The following RYR2 variants were observed in gnomAD, a reference collection of about 807,000 sequenced individuals.
RYR2 encodes cardiac muscle ryanodine receptor-calcium release channel.
RYR2 carries 227 observed loss-of-function variants against 601.1 expected under a neutral mutation model. The ratio of observed to expected loss-of-function variants is 0.38; its 90% CI spans 0.34 to 0.42. RYR2 has a LOEUF of 0.42. Ranked by LOEUF, RYR2 falls within the 10% of genes least tolerant of loss-of-function variation. The pLI is 1.00. For missense variants in RYR2, 4,646 were observed against 6,156.5 expected (o/e 0.75, Z 8.21); for synonymous variants, 2,223 against 2,175.1 (o/e 1.02, Z -0.61).
chr1:237,409,361 A>G (rs1704214868), intron 10 of RYR2, among the ~76,000 whole-genome samples: 1 of 152,076 alleles, frequency 6.6e-6, no homozygotes, highest in Non-Finnish European at 1.5e-5. Context: ...GAGAATTTGT[A>G]TTATTAATAG....
At chr1:237,084,906 T>C (rs757126949) in intron 1 of RYR2, among the ~76,000 whole-genome samples, 4 of 152,240 alleles carry the variant, frequency 2.6e-5, no homozygotes, top group Non-Finnish European at 5.9e-5. Flanking sequence ...CATACCCTGG[T>C]CTCAGAGAGC....
At chr1:237,735,378 G>C (rs150532173) in intron 79 of RYR2, among the ~76,000 whole-genome samples, 354 of 152,260 alleles carry the variant, frequency 2.3e-3, no homozygotes, top group Non-Finnish European at 4.1e-3. Context: ...GATTATTTTT[G>C]TTTGTTTGCC....
At chr1:237,159,049 T>A (rs1355474498) in intron 1 of RYR2, among the ~76,000 whole-genome samples, 2 of 152,126 alleles carry the variant, frequency 1.3e-5, no homozygotes, top group East Asian at 3.9e-4. Flanking sequence ...TCCCAGCACT[T>A]TGGGAGGCCG....
In RYR2 at chr1:237,572,364, G is replaced by T. The variant is rs554088528; in HGVS notation, c.3598+3045G>T. Among the ~76,000 whole-genome samples, 21 of 152,202 alleles carry T rather than the reference G, an allele frequency of 1.4e-4. No homozygotes were observed. In the South Asian group the frequency reaches 1.5e-3, roughly 11 times the overall value. On this transcript the variant is annotated intron_variant, in intron 29 of 104. Coordinates refer to ENST00000366574, the MANE Select transcript of RYR2 (RefSeq NM_001035.3). The stretch of plus-strand genomic sequence containing the variant: ...TGTGTGAGTTCTGTTTGTATGGTAC[G>T]TGGTTCACATGATACACACAGATTT...
intron 5 of RYR2, 37 bp downstream of exon 5, chr1:237,364,409 A>G: frequency 8.4e-7 from 1 of 1,196,060 alleles, no homozygotes; most frequent in Admixed American, 2.1e-5. Context: ...GTATATATAT[A>G]GCAGATATAT....
chr1:237,042,400 C>T lies in RYR2; in HGVS notation c.-122C>T. On this transcript the variant is annotated 5_prime_UTR_variant, in exon 1 of 105. Coordinates refer to ENST00000366574, the MANE Select transcript of RYR2 (RefSeq NM_001035.3). ...GGACCGCCCGGCGCTCGGCACCCGG[C>T]AGCGCGGCCCCCTCCAGCCCCCGGC... 1.0e-6 allele frequency: 1 copy of T among 975,506 alleles called. No homozygotes were observed. Among genetic ancestry groups the T allele is most frequent in the South Asian group, 5.1e-5 (1 of 19,678 alleles). 60.4% of individuals were successfully genotyped at this position (975,506 alleles called of 1,614,324 possible).
At position 237,188,163 on chromosome 1, in the gene RYR2, T is replaced by C. The variant is rs569927333; in HGVS notation, c.49-82334T>C. 4.2e-4 allele frequency among the ~76,000 whole-genome samples: 64 copies of C among 152,312 alleles called. 1 individual carries two copies. Among genetic ancestry groups the C allele is most frequent in the African/African-American group, 1.5e-3 (62 of 41,574 alleles). ...AATTTTGCTCTGGCAGGTTGGCGAATTAGTATGTTACAGCTGTAAATGTAT... is the reference window on the plus strand; with the variant it reads ...AATTTTGCTCTGGCAGGTTGGCGAACTAGTATGTTACAGCTGTAAATGTAT... On this transcript the variant is annotated intron_variant, in intron 1 of 104. Coordinates refer to ENST00000366574, the MANE Select transcript of RYR2 (RefSeq NM_001035.3).
intron 94 of RYR2, 39 bp from the exon 95 acceptor site, chr1:237,793,828 A>G (rs1224256113): frequency 1.3e-6 from 2 of 1,507,128 alleles, no homozygotes; most frequent in Non-Finnish European, 9.1e-7. Flanking sequence ...ATGCCAGTAA[A>G]TCTAAACTAA....
intron 1 of RYR2, among the ~76,000 whole-genome samples, chr1:237,262,508 C>T (rs1232342649): frequency 3.3e-5 from 5 of 151,910 alleles, no homozygotes; most frequent in Non-Finnish European, 7.4e-5. Context: ...CCACCCGCCT[C>T]GGCCTCCCAA....
chr1:237,465,581 C>T (rs1224466818), intron 16 of RYR2, among the ~76,000 whole-genome samples: 2 of 152,144 alleles, frequency 1.3e-5, no homozygotes, highest in African/African-American at 4.8e-5. Flanking sequence ...GTGTTATAGC[C>T]TATTGCACAG....
intron 1 of RYR2, among the ~76,000 whole-genome samples, chr1:237,215,134 A>G (rs925670726): frequency 3.3e-5 from 5 of 152,242 alleles, no homozygotes; most frequent in African/African-American, 1.2e-4. Flanking sequence ...GAATTGAGCC[A>G]GGAATCCCAG....
chr1:237,591,697 C>T, intron 31 of RYR2, 42 bp from the exon 32 acceptor site: 1 of 1,496,320 alleles, frequency 6.7e-7, no homozygotes, highest in South Asian at 1.2e-5. Flanking sequence ...GTAGACAGAA[C>T]ATTTTAATGT....
chr1:237,352,952 A>C, intron 3 of RYR2: 1 of 448,566 alleles, frequency 2.2e-6, no homozygotes, highest in African/African-American at 2.0e-5. Flanking sequence ...CTTTCATGGG[A>C]AAGGCAAAAT....
At chr1:237,706,255 A>G (rs771237628) in intron 67 of RYR2, among the ~76,000 whole-genome samples, 6 of 152,076 alleles carry the variant, frequency 3.9e-5, no homozygotes, top group Non-Finnish European at 5.9e-5. Context: ...CTCAGCAGCA[A>G]CAACAAAAAA....
At chr1:237,057,757 C>G (rs934887723) in intron 1 of RYR2, among the ~76,000 whole-genome samples, 3 of 152,148 alleles carry the variant, frequency 2.0e-5, no homozygotes, top group African/African-American at 7.2e-5. Flanking sequence ...TTGCAAGTTC[C>G]TAAGTACAAG....
intron 29 of RYR2, among the ~76,000 whole-genome samples, chr1:237,574,678 T>G (rs1673046896): frequency 2.0e-5 from 3 of 152,132 alleles, no homozygotes; most frequent in Admixed American, 2.0e-4. Flanking sequence ...GATGGTAACC[T>G]GCAGGCTGCT....
At chr1:237,301,684 A>G (rs1364466529) in intron 2 of RYR2, among the ~76,000 whole-genome samples, 1 of 152,220 alleles carries the variant, frequency 6.6e-6, no homozygotes, top group Non-Finnish European at 1.5e-5. Context: ...AGAACAAAAG[A>G]CAAAAGCAAT....
In RYR2 at chr1:237,110,682, C is replaced by T. The variant is rs566271082; in HGVS notation, c.48+68113C>T. Among the ~76,000 whole-genome samples the T allele has an allele frequency of 1.5e-4, 23 of 152,250 alleles. No homozygotes were observed. The South Asian group carries it at 4.8e-3, about 32-fold the overall frequency. ...TTTGTCTCAGGTAGGGGCACACCTG[C>T]TATCTTCCAGGTAGGCACTGTTCCT... On this transcript the variant is annotated intron_variant, in intron 1 of 104. Coordinates refer to ENST00000366574, the MANE Select transcript of RYR2 (RefSeq NM_001035.3).
intron 17 of RYR2, among the ~76,000 whole-genome samples, chr1:237,474,702 A>C (rs979959409): frequency 1.4e-4 from 22 of 152,142 alleles, no homozygotes; most frequent in African/African-American, 5.3e-4. Flanking sequence ...AAGCCTTTCT[A>C]GGAGAAAGAC....
Sources: allele counts gnomAD v4.1 joint callset (sites outside exome capture counted in the v4.1 genomes callset), GRCh38; gene constraint gnomAD v4.1.1; transcripts MANE v1.5; gene names NCBI Gene and HGNC (gene_info 2026-07-23, HGNC 2026-07-21).